Variants in SUMF1 observed in about 807,000 individuals in gnomAD.
The protein encoded by SUMF1 is sulfatase modifying factor 1, also known as formylglycine-generating enzyme.
In SUMF1, 48 loss-of-function variants were observed where a neutral mutation model predicts 47.6. The observed-to-expected ratio is 1.01, with a 90% confidence interval of 0.80 to 1.28. The LOEUF (loss-of-function observed/expected upper bound fraction) is 1.28. Ranked by LOEUF, SUMF1 falls within the 50% of genes most tolerant of loss-of-function variation. The pLI, the probability that SUMF1 is intolerant of heterozygous loss-of-function variation, is 0.00. For missense variants in SUMF1, 571 were observed against 485.4 expected, an observed-to-expected ratio of 1.18 and a Z score of -1.66; for synonymous variants, 230 against 192.1, an observed-to-expected ratio of 1.20 and a Z score of -1.63.
chr3:4,103,763 G>A (rs1262346236), intron 8 of SUMF1, among the ~76,000 whole-genome samples: 1 of 151,990 alleles, frequency 6.6e-6, no homozygotes, highest in African/African-American at 2.4e-5. Flanking sequence ...CCATGATTAC[G>A]TCCTCTCTAC....
chr3:4,412,139 A>G (rs1004446659), intron 6 of SUMF1, among the ~76,000 whole-genome samples: 3 of 152,248 alleles, frequency 2.0e-5, no homozygotes, highest in Admixed American at 6.5e-5. Context: ...TTATGGAAAC[A>G]GCAGTATTTA....
chr3:4,182,562 A>G (rs543088686), intron 8 of SUMF1, among the ~76,000 whole-genome samples: 1 of 152,054 alleles, frequency 6.6e-6, no homozygotes, highest in African/African-American at 2.4e-5. Flanking sequence ...GGTCCCAAAG[A>G]GCTAGAATAG....
At chr3:4,362,331 C>T in intron 8 of SUMF1, 77 bp from the exon 9 acceptor site, 1 of 1,221,874 alleles carries the variant, frequency 8.2e-7, no homozygotes. Context: ...ATGCATATTG[C>T]ACCGGCTGTA....
At chr3:4,101,044 C>A (rs1024120985) in intron 8 of SUMF1, among the ~76,000 whole-genome samples, 1 of 151,938 alleles carries the variant, frequency 6.6e-6, no homozygotes, top group Non-Finnish European at 1.5e-5. Flanking sequence ...AACTTTTATA[C>A]ACCGTCGGTG....
intron 8 of SUMF1, among the ~76,000 whole-genome samples, chr3:4,218,283 T>C (rs1253570874): frequency 1.3e-5 from 2 of 151,936 alleles, no homozygotes; most frequent in Non-Finnish European, 2.9e-5. Flanking sequence ...TTAAGCCACA[T>C]ACAAAATAAT....
chr3:4,457,029 C>T (rs1408386032), intron 1 of SUMF1, among the ~76,000 whole-genome samples: 177 of 64,476 alleles, frequency 2.7e-3, no homozygotes, highest in African/African-American at 7.3e-3. Context: ...CATATATATA[C>T]GTGTGTGTGT....
chr3:4,211,202 A>ATATATATATAT (rs1491496455), intron 8 of SUMF1, among the ~76,000 whole-genome samples: 2 of 86,246 alleles, frequency 2.3e-5, no homozygotes, highest in East Asian at 5.2e-4. Flanking sequence ...ATACATACAT[A>ATATATATATAT]CATATATATA....
chr3:4,167,333 T>C (rs572332343), intron 8 of SUMF1, among the ~76,000 whole-genome samples: 2 of 152,266 alleles, frequency 1.3e-5, no homozygotes, highest in South Asian at 4.2e-4. Context: ...TCTGTTTCTG[T>C]CCTATCAGAA....
chr3:4,074,781 T>C (rs763597748), intron 8 of SUMF1, among the ~76,000 whole-genome samples: 1 of 152,172 alleles, frequency 6.6e-6, no homozygotes, highest in Non-Finnish European at 1.5e-5. Flanking sequence ...CACCCAAGAC[T>C]AAACCAGGAA....
chr3:4,357,242 T>C (rs1458840034), downstream of SUMF1, among the ~76,000 whole-genome samples: 3 of 149,930 alleles, frequency 2.0e-5, no homozygotes, highest in Non-Finnish European at 2.9e-5. Context: ...ATCCCTTGCA[T>C]AAAATTCCTG....
intron 8 of SUMF1, among the ~76,000 whole-genome samples, chr3:4,161,673 G>A (rs775462846): frequency 5.3e-5 from 8 of 152,030 alleles, no homozygotes; most frequent in Non-Finnish European, 1.0e-4. Flanking sequence ...ATGCTGCCAG[G>A]CCTGACACTC....
intron 3 of SUMF1, among the ~76,000 whole-genome samples, chr3:4,441,708 T>G (rs1702593554): frequency 6.6e-6 from 1 of 152,204 alleles, no homozygotes; most frequent in African/African-American, 2.4e-5. Flanking sequence ...TCATGATTAT[T>G]ACTTCGATAA....
intron 8 of SUMF1, among the ~76,000 whole-genome samples, chr3:4,240,028 T>C (rs1362772964): frequency 1.3e-5 from 2 of 152,298 alleles, no homozygotes; most frequent in South Asian, 2.1e-4. Flanking sequence ...GAAATAATCA[T>C]GTGGTTTTTG....
At chr3:4,319,190 A>G (rs879372411) in intron 8 of SUMF1, among the ~76,000 whole-genome samples, 23 of 152,184 alleles carry the variant, frequency 1.5e-4, no homozygotes, top group Admixed American at 1.3e-3. Context: ...TTTAGAAGAC[A>G]GTTTGGTGGG....
At position 4,106,815 on chromosome 3, in the gene SUMF1, T is replaced by A. The variant is rs73129191; in HGVS notation, c.1015-38070A>T. On this transcript the variant is annotated intron_variant and NMD_transcript_variant, in intron 8 of 12. Coordinates refer to the SUMF1 transcript ENST00000448413. Reference sequence around the variant, plus strand: ...TGCATTAGAAACCCTCGATAACTCCTGACAGTGAAACAAATTAGGATTTAC... The same window carrying A: ...TGCATTAGAAACCCTCGATAACTCCAGACAGTGAAACAAATTAGGATTTAC... Among the ~76,000 whole-genome samples the A allele has an allele frequency of 5.6e-3, 850 of 152,186 alleles. 9 individuals are homozygous for A. The highest frequency in any genetic ancestry group is 0.02 in the African/African-American group (814 of 41,488).
chr3:4,428,977 G>A (rs1702151954), intron 3 of SUMF1, among the ~76,000 whole-genome samples: 2 of 152,002 alleles, frequency 1.3e-5, no homozygotes. Context: ...ACTTTCAGTG[G>A]CTACCAATAT....
intron 8 of SUMF1, among the ~76,000 whole-genome samples, chr3:4,372,252 G>T (rs975473729): frequency 3.3e-5 from 5 of 152,090 alleles, no homozygotes; most frequent in Non-Finnish European, 7.3e-5. Flanking sequence ...AGTGAGCCTA[G>T]ATCATGTCAC....
intron 8 of SUMF1, among the ~76,000 whole-genome samples, chr3:4,258,420 AAAAC>A (rs1443845370): frequency 2.9e-5 from 4 of 139,180 alleles, no homozygotes; most frequent in South Asian, 2.2e-4. Flanking sequence ...TTACAAGAAA[AAAAC>A]AAACAACCCC....
At chr3:4,184,578 A>G (rs1324283337) in intron 8 of SUMF1, among the ~76,000 whole-genome samples, 1 of 152,176 alleles carries the variant, frequency 6.6e-6, no homozygotes, top group African/African-American at 2.4e-5. Context: ...TTATGACCTC[A>G]GATTCAGATC....
Sources: gnomAD v4.1 joint callset for allele counts (sites outside exome capture counted in the v4.1 genomes callset) on GRCh38, gnomAD v4.1.1 for gene constraint, MANE v1.5 for transcripts, NCBI Gene and HGNC (gene_info 2026-07-23, HGNC 2026-07-21) for gene names.